Variants in QTGAL observed in about 807,000 individuals in gnomAD.
The protein encoded by QTGAL is BGnT-like protein 1.
the QTGAL span, chr17:82,947,284 G>A: frequency 2.4e-6 from 1 of 418,948 alleles, no homozygotes; most frequent in Non-Finnish European, 4.3e-6. Context: ...GAGACTAACA[G>A]GCAATGCCTC....
chr17:83,043,684 CAAT>C, the QTGAL span, among the ~76,000 whole-genome samples: 5 of 149,622 alleles, frequency 3.3e-5, no homozygotes, highest in African/African-American at 1.2e-4. Flanking sequence ...AATAAACAAA[CAAT>C]GACAAAACAA....
At chr17:82,945,324 G>C in the QTGAL span, 1 of 152,232 alleles carries the variant, frequency 6.6e-6, no homozygotes, top group Non-Finnish European at 1.5e-5. Context: ...GTCTCAGAAT[G>C]AAATGAAATG....
chr17:82,957,087 T>C, the QTGAL span: 1 of 1,535,960 alleles, frequency 6.5e-7, no homozygotes, highest in Non-Finnish European at 9.0e-7. Flanking sequence ...ACGGCCCAGG[T>C]GGACTCTGCC....
the QTGAL span, among the ~76,000 whole-genome samples, chr17:83,049,449 G>A: frequency 7.2e-6 from 1 of 138,590 alleles, no homozygotes; most frequent in East Asian, 2.2e-4. Flanking sequence ...GTCTCGCTCT[G>A]TCACCCAGGC....
the QTGAL span, among the ~76,000 whole-genome samples, chr17:82,951,152 T>C: frequency 2.0e-5 from 3 of 152,346 alleles, no homozygotes; most frequent in South Asian, 6.2e-4. Context: ...CTTTTGAAGC[T>C]CTGAAGCCAG....
the QTGAL span, among the ~76,000 whole-genome samples, chr17:83,031,214 C>T: frequency 6.6e-6 from 1 of 152,236 alleles, no homozygotes; most frequent in Non-Finnish European, 1.5e-5. Context: ...CATCAGAGGC[C>T]GGCAGGGAAG....
the QTGAL span, chr17:83,007,366 A>G: frequency 6.4e-3 from 4,644 of 730,256 alleles, 211 homozygotes; most frequent in African/African-American, 0.084. Flanking sequence ...CCTGCATAGC[A>G]TCTACCTACG....
At chr17:83,048,729 A>T in the QTGAL span, 1 of 1,614,220 alleles carries the variant, frequency 6.2e-7, no homozygotes, top group Non-Finnish European at 8.5e-7. Flanking sequence ...GTTGCAAAAC[A>T]GACCTCAAAC....
the QTGAL span, among the ~76,000 whole-genome samples, chr17:82,980,192 T>C: frequency 6.6e-6 from 1 of 152,218 alleles, no homozygotes; most frequent in Non-Finnish European, 1.5e-5. Flanking sequence ...ATTAAAAAAA[T>C]ACATCAAAAA....
the QTGAL span, among the ~76,000 whole-genome samples, chr17:83,037,947 G>C: frequency 6.6e-6 from 1 of 152,126 alleles, no homozygotes; most frequent in Non-Finnish European, 1.5e-5. The surrounding 1 kb of genome is among the most constrained non-coding windows in gnomAD (Gnocchi z 5.2). Context: ...GGTTGCCATG[G>C]TCTCAGCAGG....
chr17:82,956,652 CGG>C, the QTGAL span: 1 of 1,503,608 alleles, frequency 6.7e-7, no homozygotes, highest in Non-Finnish European at 8.9e-7. The surrounding 1 kb of genome is among the most constrained non-coding windows in gnomAD (Gnocchi z 5.7). Flanking sequence ...TGGCAGAGCC[CGG>C]GATCCCCAAG....
At chr17:83,011,274 G>C in the QTGAL span, among the ~76,000 whole-genome samples, 1 of 152,234 alleles carries the variant, frequency 6.6e-6, no homozygotes. Flanking sequence ...CCCTGTTCTT[G>C]CTAACCTTGG....
chr17:83,038,816 G>A, the QTGAL span, among the ~76,000 whole-genome samples: 1 of 151,250 alleles, frequency 6.6e-6, no homozygotes, highest in Non-Finnish European at 1.5e-5. Context: ...CCGAGATCGC[G>A]CCACCGCACT....
the QTGAL span, among the ~76,000 whole-genome samples, chr17:83,021,350 T>C: frequency 6.6e-6 from 1 of 151,664 alleles, no homozygotes; most frequent in East Asian, 1.9e-4. Flanking sequence ...AAAAAAAAAC[T>C]CTACTAGAAT....
At chr17:82,945,487 G>C in the QTGAL span, 40 of 152,326 alleles carry the variant, frequency 2.6e-4, no homozygotes, top group African/African-American at 8.9e-4. Context: ...CTGGAGTTGA[G>C]CAGTGAGTAG....
At chr17:83,006,466 C>G in the QTGAL span, 1 of 984,456 alleles carries the variant, frequency 1.0e-6, no homozygotes, top group Non-Finnish European at 1.2e-6. The surrounding 1 kb of genome is among the most constrained non-coding windows in gnomAD (Gnocchi z 5.8). Context: ...CCCTTCACCA[C>G]TTCCTCTGGT....
chr17:82,997,764 C>G, the QTGAL span, among the ~76,000 whole-genome samples: 1 of 151,876 alleles, frequency 6.6e-6, no homozygotes, highest in Non-Finnish European at 1.5e-5. Context: ...TGAAATAAGC[C>G]AGACACAGAA....
At chr17:82,958,313 G>A in the QTGAL span, among the ~76,000 whole-genome samples, 63 of 152,280 alleles carry the variant, frequency 4.1e-4, no homozygotes, top group Middle Eastern at 6.8e-3. Flanking sequence ...GCTGAAGCCC[G>A]GTACCCCACA....
At chr17:82,980,345 A>AC in the QTGAL span, among the ~76,000 whole-genome samples, 1 of 152,132 alleles carries the variant, frequency 6.6e-6, no homozygotes, top group Non-Finnish European at 1.5e-5. Context: ...TTCTCCATAC[A>AC]CCAAGCAAAC....
Sources: allele counts gnomAD v4.1 joint callset (sites outside exome capture counted in the v4.1 genomes callset), GRCh38; gene constraint gnomAD v4.1.1; non-coding constraint Gnocchi (gnomAD v3.1); transcripts MANE v1.5; gene names NCBI Gene and HGNC (gene_info 2026-07-23, HGNC 2026-07-21).